The following PCDHGA5 variants were observed in gnomAD, a reference collection of about 807,000 sequenced individuals.
PCDHGA5 encodes the protein protocadherin gamma subfamily A, 5, also known as protocadherin gamma-A5.
Under a neutral mutation model 56.7 loss-of-function variants are expected in PCDHGA5, and 36 were observed. That is an observed-to-expected ratio of 0.64 (90% CI 0.49 to 0.84). PCDHGA5 has a LOEUF of 0.84. PCDHGA5 is among the 40% of genes least tolerant of loss of function. The pLI, the probability that PCDHGA5 is intolerant of heterozygous loss-of-function variation, is 0.00. For synonymous variants in PCDHGA5, 563 were observed against 520.2 expected (o/e 1.08, Z -1.12); for missense variants, 1,305 against 1,201.5 (o/e 1.09, Z -1.27).
chr5:141,499,921 C>A, intron 2 of PCDHGA5, among the ~76,000 whole-genome samples: 1 of 152,128 alleles, frequency 6.6e-6, no homozygotes, highest in Middle Eastern at 3.2e-3. Context: ...CTCCTGGCCT[C>A]AAGTGATCCA....
intron 1 of PCDHGA5, among the ~76,000 whole-genome samples, chr5:141,483,310 A>G (rs2099579870): frequency 6.6e-6 from 1 of 152,156 alleles, no homozygotes; most frequent in African/African-American, 2.4e-5. Context: ...GACTGGGGAC[A>G]TTGGGACTGG....
At chr5:141,399,511 C>A (rs1252813422) in intron 1 of PCDHGA5, 1 of 1,613,924 alleles carries the variant, frequency 6.2e-7, no homozygotes, top group African/African-American at 1.3e-5. Flanking sequence ...CGAAAACAAC[C>A]CTCCTGGGGC....
intron 2 of PCDHGA5, among the ~76,000 whole-genome samples, chr5:141,497,213 G>A (rs1313220474): frequency 6.6e-6 from 1 of 152,126 alleles, no homozygotes; most frequent in Non-Finnish European, 1.5e-5. Flanking sequence ...GTGTAATGGG[G>A]GGGGGAAGAT....
intron 1 of PCDHGA5, chr5:141,420,098 A>G: frequency 6.2e-7 from 1 of 1,614,034 alleles, no homozygotes; most frequent in African/African-American, 1.3e-5. Flanking sequence ...CAGTGAGGGA[A>G]CGTTGCCCTA....
At chr5:141,398,892 G>A in intron 1 of PCDHGA5, 5 of 1,613,916 alleles carry the variant, frequency 3.1e-6, no homozygotes, top group Non-Finnish European at 4.2e-6. Context: ...GGGAAAACGT[G>A]CCACCAGGCA....
At chr5:141,463,168 T>C (rs74924211) in intron 1 of PCDHGA5, among the ~76,000 whole-genome samples, 6,974 of 152,254 alleles carry the variant, frequency 0.046, 178 homozygotes, top group Middle Eastern at 0.082. Context: ...GTGCACTCTA[T>C]GTATGCTCAG....
intron 1 of PCDHGA5, chr5:141,440,564 A>T (rs531383065): frequency 1.3e-5 from 2 of 152,248 alleles, no homozygotes; most frequent in Non-Finnish European, 2.9e-5. Context: ...TAAGTTACGT[A>T]TCTCTGAGTT....
chr5:141,445,825 G>A (rs1031190864), intron 1 of PCDHGA5, among the ~76,000 whole-genome samples: 8 of 152,124 alleles, frequency 5.3e-5, no homozygotes, highest in Non-Finnish European at 1.2e-4. Context: ...AATAAGGCAG[G>A]GAGAGCCTTG....
intron 3 of PCDHGA5, 157 bp downstream of exon 3, chr5:141,505,638 T>C: frequency 1.0e-6 from 1 of 968,044 alleles, no homozygotes; most frequent in Non-Finnish European, 1.2e-6. Context: ...ACATAAAGCC[T>C]GGAATTGTGG....
At chr5:141,422,850 G>T (rs184432819) in intron 1 of PCDHGA5, 7 of 1,614,086 alleles carry the variant, frequency 4.3e-6, no homozygotes, top group Non-Finnish European at 5.9e-6. Context: ...GCGGGGACCC[G>T]CCCCTCAGCA....
chr5:141,376,217 CT>C (rs1370033371), intron 1 of PCDHGA5: 2 of 1,614,210 alleles, frequency 1.2e-6, no homozygotes, highest in East Asian at 4.5e-5. Flanking sequence ...CATCGTGCTG[CT>C]GGCGCTCAGA....
intron 1 of PCDHGA5, chr5:141,416,834 C>T (rs966016844): frequency 4.6e-5 from 7 of 151,848 alleles, no homozygotes; most frequent in Non-Finnish European, 1.0e-4. Flanking sequence ...TTCTCAAGAC[C>T]CTTATAATTC....
intron 1 of PCDHGA5, chr5:141,372,461 G>C (rs749088592): frequency 2.5e-6 from 4 of 1,613,922 alleles, no homozygotes; most frequent in Non-Finnish European, 2.5e-6. Context: ...CGGAGCTACA[G>C]TTTCACCTAG....
chr5:141,431,604 G>C lies in PCDHGA5; in HGVS notation c.2422-63203G>C. 1 of 1,614,206 alleles carries C rather than the reference G, an allele frequency of 6.2e-7. No individual in the cohort carries two copies. Among genetic ancestry groups the C allele is most frequent in the South Asian group, 1.1e-5 (1 of 91,088 alleles). On this transcript the variant is annotated intron_variant, in intron 1 of 3. Coordinates refer to ENST00000518069, the MANE Select transcript of PCDHGA5 (RefSeq NM_018918.3). The surrounding 1 kb of genome is among the most constrained non-coding windows in gnomAD (Gnocchi z 4.8). ...AATGCGGAAGTGAGGTATTCCTTCC[G>C]GTATGTGGACGACAAGGCGGCCCAA...
At chr5:141,497,461 A>G (rs541848982) in intron 2 of PCDHGA5, among the ~76,000 whole-genome samples, 2 of 151,526 alleles carry the variant, frequency 1.3e-5, no homozygotes, top group Admixed American at 1.3e-4. Context: ...GCTCTTGGAG[A>G]TATGGAGGAG....
intron 1 of PCDHGA5, chr5:141,421,632 G>A (rs2096589368): frequency 6.2e-7 from 1 of 1,613,846 alleles, no homozygotes; most frequent in South Asian, 1.1e-5. Context: ...CCAGCTTCCA[G>A]GAGGACGAAG....
intron 1 of PCDHGA5, chr5:141,394,982 C>G (rs754667421): frequency 2.7e-5 from 44 of 1,613,866 alleles, no homozygotes; most frequent in Non-Finnish European, 3.6e-5. Context: ...ACAAGTCACG[C>G]CTGCTCCAGG....
rs777856819 is a variant in PCDHGA5, at chr5:141,487,572, T to A, written c.2422-7235T>A. On this transcript the variant is annotated intron_variant, in intron 1 of 3. Coordinates refer to ENST00000518069, the MANE Select transcript of PCDHGA5 (RefSeq NM_018918.3). The surrounding 1 kb of genome is among the most constrained non-coding windows in gnomAD (Gnocchi z 5.0). ...AGTGCACCTATGGCAGGGGAGCCTG[T>A]TCGCCCAAGCTGCCCACCCTCTGAT... 1 of 1,614,168 alleles carries A rather than the reference T, an allele frequency of 6.2e-7. No individual in the cohort carries two copies. Among genetic ancestry groups the A allele is most frequent in the Non-Finnish European group, 8.5e-7 (1 of 1,180,034 alleles).
intron 1 of PCDHGA5, chr5:141,417,501 A>T: frequency 4.4e-6 from 1 of 227,168 alleles, no homozygotes. Flanking sequence ...GAGGAAAAAG[A>T]TTAAAATATT....
Sources: allele counts gnomAD v4.1 joint callset (sites outside exome capture counted in the v4.1 genomes callset), GRCh38; gene constraint gnomAD v4.1.1; non-coding constraint Gnocchi (gnomAD v3.1); transcripts MANE v1.5; gene names NCBI Gene and HGNC (gene_info 2026-07-23, HGNC 2026-07-21).